The following XKR6 variants were observed in gnomAD, a reference collection of about 807,000 sequenced individuals.
The protein encoded by XKR6 is XK related 6.
A neutral mutation model predicts 56.7 loss-of-function variants in XKR6; 22 were observed. The observed-to-expected ratio is 0.39, with a 90% CI of 0.28 to 0.55. The LOEUF (loss-of-function observed/expected upper bound fraction) is 0.55, where lower values mean the gene tolerates loss of function less well. XKR6 is among the 20% of genes least tolerant of loss of function. The pLI, the probability that XKR6 is intolerant of heterozygous loss-of-function variation, is 0.66. For missense variants in XKR6, 852 were observed against 889.0 expected (o/e 0.96, Z 0.53); for synonymous variants, 524 against 387.8 (o/e 1.35, Z -4.13).
chr8:10,924,491 A>G (rs1563291294), intron 2 of XKR6, 143 bp downstream of exon 2: 2 of 958,916 alleles, frequency 2.1e-6, no homozygotes, highest in Non-Finnish European at 3.0e-6. Context: ...TCAGCACTGC[A>G]CTGGGGGCCG....
rs931014782 is a variant in XKR6, at chr8:10,979,405, T to C, written c.765-54575A>G. 5.9e-5 allele frequency among the ~76,000 whole-genome samples: 9 copies of C among 152,042 alleles called. No homozygotes were observed. The South Asian group carries it at 1.5e-3, about 25-fold the overall frequency. ...CCAGTGGCCCCAGGCAGCCAGCACG[T>C]TCCTGGTTCCTGGGGGACCTGCCGA... On this transcript the variant is annotated intron_variant, in intron 1 of 2. Coordinates refer to ENST00000416569, the MANE Select transcript of XKR6 (RefSeq NM_173683.4).
At chr8:10,953,064 C>T (rs781069273) in intron 1 of XKR6, among the ~76,000 whole-genome samples, 1 of 152,106 alleles carries the variant, frequency 6.6e-6, no homozygotes, top group Non-Finnish European at 1.5e-5. Context: ...TGTAGGAAAA[C>T]AAGCCCAGGG....
intron 1 of XKR6, among the ~76,000 whole-genome samples, chr8:10,984,392 A>G (rs1164570962): frequency 6.6e-6 from 1 of 152,204 alleles, no homozygotes; most frequent in Non-Finnish European, 1.5e-5. Flanking sequence ...TTTCCTAGGA[A>G]CGTCTATTAT....
intron 1 of XKR6, chr8:11,106,447 G>C (rs1798679474): frequency 6.6e-6 from 1 of 152,240 alleles, no homozygotes. Context: ...AAGGGAATAT[G>C]GTGGTTGGAG....
At position 11,193,003 on chromosome 8, in the gene XKR6, G is replaced by A. The variant is rs186648631; in HGVS notation, c.764+7573C>T. Among the ~76,000 whole-genome samples, 9 of 152,284 alleles carry A rather than the reference G, an allele frequency of 5.9e-5. No homozygotes were observed. The South Asian group carries it at 6.2e-4, about 11-fold the overall frequency. On this transcript the variant is annotated intron_variant, in intron 1 of 2. Transcript: ENST00000416569. Reference sequence around the variant, plus strand: ...CTCATTTGTCCTGTCTATTTAAGACGGAAAGAAAAGGAAGCATCATGGTGA... The same window carrying A: ...CTCATTTGTCCTGTCTATTTAAGACAGAAAGAAAAGGAAGCATCATGGTGA...
intron 1 of XKR6, among the ~76,000 whole-genome samples, chr8:11,085,897 G>A (rs1366960328): frequency 6.6e-6 from 1 of 152,122 alleles, no homozygotes; most frequent in African/African-American, 2.4e-5. Flanking sequence ...AATCTACTGG[G>A]TCAGAATGTC....
intron 1 of XKR6, among the ~76,000 whole-genome samples, chr8:11,118,170 T>C (rs1014606819): frequency 2.6e-5 from 4 of 152,154 alleles, no homozygotes; most frequent in South Asian, 2.1e-4. Context: ...CACAATACAG[T>C]ACTACTCTTA....
At chr8:11,053,332 C>T (rs531127229) in intron 1 of XKR6, among the ~76,000 whole-genome samples, 9 of 152,318 alleles carry the variant, frequency 5.9e-5, no homozygotes, top group South Asian at 4.1e-4. Context: ...CGGCCCAGCA[C>T]GCTTAACCAT....
chr8:10,959,728 C>T (rs1319827369), intron 1 of XKR6, among the ~76,000 whole-genome samples: 3 of 152,208 alleles, frequency 2.0e-5, no homozygotes, highest in Non-Finnish European at 4.4e-5. Context: ...ATGAATTTCA[C>T]AGGACACAAA....
intron 1 of XKR6, among the ~76,000 whole-genome samples, chr8:10,928,644 G>A (rs890614789): frequency 6.9e-6 from 1 of 145,246 alleles, no homozygotes; most frequent in Non-Finnish European, 1.5e-5. Flanking sequence ...CGGAAACGCC[G>A]CTCCAGGCAA....
intron 1 of XKR6, among the ~76,000 whole-genome samples, chr8:10,967,126 C>T (rs866404477): frequency 9.2e-5 from 14 of 152,196 alleles, no homozygotes; most frequent in African/African-American, 3.4e-4. Flanking sequence ...CATGACAGTG[C>T]GTGATCCTCG....
At chr8:10,929,362 A>G (rs896131369) in intron 1 of XKR6, among the ~76,000 whole-genome samples, 1 of 152,254 alleles carries the variant, frequency 6.6e-6, no homozygotes, top group African/African-American at 2.4e-5. Context: ...TTCATTTTAC[A>G]GACAGCAAAC....
chr8:10,917,137 A>G (rs555612265), intron 2 of XKR6, among the ~76,000 whole-genome samples: 7 of 151,832 alleles, frequency 4.6e-5, no homozygotes, highest in Non-Finnish European at 1.0e-4. Context: ...GGTGGGGAGC[A>G]GGGAACCCTC....
rs143575111 is a variant in XKR6, at chr8:11,141,878, C to T, written c.764+58698G>A. On this transcript the variant is annotated intron_variant, in intron 1 of 2. Coordinates refer to ENST00000416569, the MANE Select transcript of XKR6 (RefSeq NM_173683.4). ...TGGTGGAGTAGGGAGCGGGGAGTGA[C>T]TGGGGAGGGGTCTAGGGTGCTGGTG... Among the ~76,000 whole-genome samples the T allele has an allele frequency of 3.9e-5, 6 of 152,094 alleles. No homozygotes were observed. The East Asian group carries it at 7.7e-4, about 20-fold the overall frequency.
chr8:10,999,941 G>A (rs774363011), intron 1 of XKR6, among the ~76,000 whole-genome samples: 2 of 152,194 alleles, frequency 1.3e-5, no homozygotes, highest in Non-Finnish European at 2.9e-5. Flanking sequence ...GAGAAATATG[G>A]GCAAGGAAGG....
chr8:11,135,520 ATAGTT>A (rs1223571732), intron 1 of XKR6, among the ~76,000 whole-genome samples: 1 of 152,212 alleles, frequency 6.6e-6, no homozygotes, highest in South Asian at 2.1e-4. Flanking sequence ...GACTTTTACT[ATAGTT>A]TAAATAGTTG....
At chr8:10,966,590 C>T (rs997523682) in intron 1 of XKR6, among the ~76,000 whole-genome samples, 1 of 152,132 alleles carries the variant, frequency 6.6e-6, no homozygotes. Context: ...AGAAGAATGG[C>T]GTGAACCCAG....
chr8:10,907,311 G>C (rs929153534), intron 2 of XKR6, among the ~76,000 whole-genome samples: 1 of 152,146 alleles, frequency 6.6e-6, no homozygotes, highest in Non-Finnish European at 1.5e-5. Flanking sequence ...AAGAATATCA[G>C]GTCTTACCAT....
chr8:10,992,287 T>TCA (rs113725403), intron 1 of XKR6, among the ~76,000 whole-genome samples: 3,051 of 149,864 alleles, frequency 0.02, 72 homozygotes, highest in East Asian at 0.069. Context: ...TCTCTCTCTC[T>TCA]CACACACACA....
Sources: gnomAD v4.1 joint callset for allele counts (sites outside exome capture counted in the v4.1 genomes callset) on GRCh38, gnomAD v4.1.1 for gene constraint, MANE v1.5 for transcripts, NCBI Gene and HGNC (gene_info 2026-07-23, HGNC 2026-07-21) for gene names.